Variants in DGKB observed in about 807,000 individuals in gnomAD.
DGKB encodes diacylglycerol kinase beta.
In DGKB, 67 loss-of-function variants were observed where a neutral mutation model predicts 114.3. That is an observed-to-expected ratio of 0.59 (90% CI 0.48 to 0.72). DGKB has a LOEUF of 0.72. Among genes scored for constraint, DGKB ranks in the 30% least tolerant of loss-of-function variants. The pLI, the probability that DGKB is intolerant of heterozygous loss-of-function variation, is 0.00. For missense variants in DGKB, 907 were observed against 975.2 expected (o/e 0.93, Z 0.93); for synonymous variants, 398 against 323.1 (o/e 1.23, Z -2.49).
At chr7:14,200,424 T>C (rs999849385) in intron 23 of DGKB, among the ~76,000 whole-genome samples, 8 of 152,040 alleles carry the variant, frequency 5.3e-5, no homozygotes, top group African/African-American at 1.4e-4. Flanking sequence ...GTGCAACTCA[T>C]GTATTCCCCA....
intron 21 of DGKB, among the ~76,000 whole-genome samples, chr7:14,411,282 C>T (rs10234757): frequency 0.99 from 150,119 of 152,312 alleles, 74,079 homozygotes; most frequent in Non-Finnish European, 1. Context: ...ATTAAGTGCA[C>T]TGTTTATTTA....
Position 14,770,073 on chromosome 7 carries a change from G to A in DGKB, c.71-12342C>T, listed in dbSNP as rs118073605. On this transcript the variant is annotated intron_variant, in intron 2 of 25. Transcript: ENST00000402815. ...GAACTCAGTAGGCAAAACTTTAAAG[G>A]TGATGTTCAAACAAACCTTCTCTGA... Among the ~76,000 whole-genome samples, 40 of 152,154 alleles carry A rather than the reference G, an allele frequency of 2.6e-4. No individual in the cohort carries two copies. In the East Asian group the frequency reaches 7.0e-3, roughly 26 times the overall value.
At chr7:14,785,550 G>C (rs913008234) in intron 2 of DGKB, among the ~76,000 whole-genome samples, 2 of 151,950 alleles carry the variant, frequency 1.3e-5, no homozygotes, top group African/African-American at 4.8e-5. Context: ...CTGTACTTTT[G>C]TCTGCAGAAC....
chr7:14,361,763 G>C lies in DGKB; in HGVS notation c.1836-16372C>G, dbSNP rs1053548418. On this transcript the variant is annotated intron_variant, in intron 21 of 25. Transcript: ENST00000402815. ...ATTTAAAATTATGTCCATATAAACA[G>C]ATAATAAATGGAGACGAATTCCAAT... Among the ~76,000 whole-genome samples the C allele has an allele frequency of 3.9e-5, 6 of 151,966 alleles. No individual in the cohort carries two copies. The East Asian group carries it at 9.7e-4, about 24-fold the overall frequency.
chr7:14,589,956 A>G (rs1801414354), intron 17 of DGKB, among the ~76,000 whole-genome samples: 1 of 149,800 alleles, frequency 6.7e-6, no homozygotes, highest in Non-Finnish European at 1.5e-5. Context: ...AAGAATTTGT[A>G]TAATTATTGA....
chr7:14,913,390 C>A (rs1433259569), intron 1 of DGKB, among the ~76,000 whole-genome samples: 1 of 150,870 alleles, frequency 6.6e-6, no homozygotes, highest in African/African-American at 2.4e-5. Flanking sequence ...TCCTGTTGCT[C>A]TCACTAAAAC....
chr7:14,364,042 T>C (rs564045158), intron 21 of DGKB, among the ~76,000 whole-genome samples: 30 of 152,066 alleles, frequency 2.0e-4, no homozygotes, highest in Non-Finnish European at 3.7e-4. Context: ...AGCTCGGTAC[T>C]GTGTGGCCAC....
chr7:14,696,697 A>T (rs890205704), intron 8 of DGKB, among the ~76,000 whole-genome samples: 2 of 152,188 alleles, frequency 1.3e-5, no homozygotes, highest in African/African-American at 4.8e-5. Context: ...CCTGGCTTTC[A>T]GTGAAAATAT....
At chr7:14,288,960 T>C (rs1031391691) in intron 23 of DGKB, among the ~76,000 whole-genome samples, 1 of 152,206 alleles carries the variant, frequency 6.6e-6, no homozygotes, top group Admixed American at 6.5e-5. Context: ...ACTTAGCCTT[T>C]AGCACATACA....
chr7:14,636,705 T>C (rs1371767902), intron 13 of DGKB, among the ~76,000 whole-genome samples: 1 of 151,868 alleles, frequency 6.6e-6, no homozygotes, highest in East Asian at 1.9e-4. Flanking sequence ...CGGGCAAAAA[T>C]CATTTTAACT....
rs768762031 is a variant in DGKB at position 14,154,862 on chromosome 7, G to A, written c.2305-5624C>T. ...ATACATTCTGCTTTTTTTTTTTTTC[G>A]TTACACGTGCATATACTATTTTGGT... On this transcript the variant is annotated intron_variant, in intron 25 of 25. Coordinates refer to ENST00000402815, the MANE Select transcript of DGKB (RefSeq NM_001350709.2). Among the ~76,000 whole-genome samples the A allele has an allele frequency of 4.7e-5, 6 of 127,232 alleles. No homozygotes were observed. In the South Asian group the frequency reaches 1.0e-3, roughly 22 times the overall value. The allele number at this position is 127,232 out of a possible 152,430, so 83.5% of individuals were successfully genotyped here.
chr7:14,600,267 C>T (rs1212221879), intron 17 of DGKB, among the ~76,000 whole-genome samples: 1 of 152,138 alleles, frequency 6.6e-6, no homozygotes, highest in Non-Finnish European at 1.5e-5. Flanking sequence ...GTAGAGCCCT[C>T]ATAACCTAAT....
chr7:14,389,078 G>A (rs1208611374), intron 21 of DGKB, among the ~76,000 whole-genome samples: 3 of 152,148 alleles, frequency 2.0e-5, no homozygotes, highest in Non-Finnish European at 4.4e-5. Flanking sequence ...CTGAGGTATA[G>A]CTTTCAATAT....
intron 21 of DGKB, among the ~76,000 whole-genome samples, chr7:14,445,586 G>A (rs1830621752): frequency 6.6e-6 from 1 of 151,952 alleles, no homozygotes; most frequent in African/African-American, 2.4e-5. Flanking sequence ...AAGGTAAAAT[G>A]CATAATCTGA....
At chr7:14,959,307 C>T (rs36904) in intron 1 of DGKB, among the ~76,000 whole-genome samples, 17,663 of 151,232 alleles carry the variant, frequency 0.12, 1,367 homozygotes, top group Non-Finnish European at 0.18. Context: ...TATGTGAAAG[C>T]TACTGATTTT....
chr7:14,674,906 C>T (rs922141866), intron 12 of DGKB, among the ~76,000 whole-genome samples: 2 of 152,042 alleles, frequency 1.3e-5, no homozygotes, highest in African/African-American at 4.8e-5. Context: ...TGAATACATT[C>T]TTGTTGTTTT....
At chr7:14,666,228 T>A (rs980729303) in intron 13 of DGKB, among the ~76,000 whole-genome samples, 1 of 151,968 alleles carries the variant, frequency 6.6e-6, no homozygotes, top group Non-Finnish European at 1.5e-5. Flanking sequence ...TTCCAACATA[T>A]CTTTTTTTGT....
At chr7:14,385,974 A>G (rs1275351876) in intron 21 of DGKB, among the ~76,000 whole-genome samples, 2 of 152,242 alleles carry the variant, frequency 1.3e-5, no homozygotes, top group Non-Finnish European at 2.9e-5. Context: ...GAAAATGCTA[A>G]ATTTCAGTGA....
At chr7:14,338,479 A>G in intron 23 of DGKB, 36 bp downstream of exon 23, 1 of 1,387,290 alleles carries the variant, frequency 7.2e-7, no homozygotes, top group Non-Finnish European at 9.7e-7. Flanking sequence ...AAACAGGTTA[A>G]CAAGCAATTT....
Sources: allele counts gnomAD v4.1 joint callset (sites outside exome capture counted in the v4.1 genomes callset), GRCh38; gene constraint gnomAD v4.1.1; transcripts MANE v1.5; gene names NCBI Gene and HGNC (gene_info 2026-07-23, HGNC 2026-07-21).